PLCG2: variants seen among roughly 807,000 people sequenced by gnomAD.
PLCG2 encodes phospholipase C gamma 2, also known as 1-phosphatidylinositol 4,5-bisphosphate phosphodiesterase gamma-2.
In PLCG2, 69 loss-of-function variants were observed where a neutral mutation model predicts 175.6. The observed-to-expected ratio is 0.39, with a 90% CI of 0.32 to 0.48. The LOEUF (loss-of-function observed/expected upper bound fraction) is 0.48. PLCG2 is among the 20% of genes least tolerant of loss of function. PLCG2 has a pLI of 0.91. For missense variants in PLCG2, 1,798 were observed against 1,650.9 expected (o/e 1.09, Z -1.54); for synonymous variants, 827 against 624.0 (o/e 1.33, Z -4.85).
At chr16:81,828,181 G>A (rs1011211875) in intron 2 of PLCG2, among the ~76,000 whole-genome samples, 9 of 149,012 alleles carry the variant, frequency 6.0e-5, no homozygotes, top group African/African-American at 2.2e-4. Context: ...GTACCCTGAT[G>A]CAGTTCCCAG....
At chr16:81,830,783 C>G (rs1028365501) in intron 2 of PLCG2, among the ~76,000 whole-genome samples, 1 of 150,988 alleles carries the variant, frequency 6.6e-6, no homozygotes, top group Non-Finnish European at 1.5e-5. Flanking sequence ...CTGACAGACA[C>G]AGTGTGTGAT....
chr16:81,819,240 G>A (rs1668768895), intron 2 of PLCG2, among the ~76,000 whole-genome samples: 1 of 152,148 alleles, frequency 6.6e-6, no homozygotes, highest in Admixed American at 6.5e-5. Flanking sequence ...GATGGTTTGT[G>A]TTCTTTCCAG....
chr16:81,745,519 C>G (rs1330777437), intron 1 of PLCG2, among the ~76,000 whole-genome samples: 3 of 152,116 alleles, frequency 2.0e-5, no homozygotes, highest in Non-Finnish European at 4.4e-5. Flanking sequence ...AGCCACTGGC[C>G]ACAGACTGCA....
chr16:81,848,706 A>T (rs1349803429), intron 2 of PLCG2, among the ~76,000 whole-genome samples: 1 of 151,858 alleles, frequency 6.6e-6, no homozygotes, highest in Admixed American at 6.6e-5. Flanking sequence ...AGAACTACTT[A>T]TTGGGCCCCG....
At chr16:81,786,302 C>A in intron 2 of PLCG2, 120 bp downstream of exon 2, 1 of 821,626 alleles carries the variant, frequency 1.2e-6, no homozygotes, top group Non-Finnish European at 1.9e-6. Context: ...TTCTTTTATT[C>A]GTCTTAAAAT....
intron 5 of PLCG2, 48 bp from the exon 6 acceptor site, chr16:81,869,166 C>G: frequency 1.4e-6 from 2 of 1,403,088 alleles, no homozygotes; most frequent in Non-Finnish European, 2.0e-6. Context: ...AAATCCTGTG[C>G]TGTTGAAAAC....
At chr16:81,847,995 C>G (rs1038441867) in intron 2 of PLCG2, among the ~76,000 whole-genome samples, 4 of 152,070 alleles carry the variant, frequency 2.6e-5, no homozygotes, top group South Asian at 2.1e-4. Context: ...TGGGTAGTGA[C>G]AAAGTGATTC....
At chr16:81,778,847 C>T (rs1456146231), upstream of PLCG2, among the ~76,000 whole-genome samples, 1 of 152,124 alleles carries the variant, frequency 6.6e-6, no homozygotes, top group African/African-American at 2.4e-5. Flanking sequence ...CGGAGTGTCT[C>T]TCGGCCACAC....
At chr16:81,784,474 C>G (rs1286641921) in intron 1 of PLCG2, among the ~76,000 whole-genome samples, 2 of 152,218 alleles carry the variant, frequency 1.3e-5, no homozygotes, top group Non-Finnish European at 2.9e-5. Flanking sequence ...GAAGCACAGA[C>G]AGCCCTGGCT....
chr16:81,861,935 G>C (rs1399304712), intron 5 of PLCG2, among the ~76,000 whole-genome samples: 1 of 152,178 alleles, frequency 6.6e-6, no homozygotes, highest in African/African-American at 2.4e-5. Context: ...TCTGTTTCTG[G>C]ACTGAGTTCA....
intron 2 of PLCG2, among the ~76,000 whole-genome samples, chr16:81,822,634 G>C (rs533341728): frequency 7.9e-5 from 12 of 151,994 alleles, no homozygotes; most frequent in African/African-American, 2.9e-4. Flanking sequence ...GCGTGTACCT[G>C]TAATCCCAGC....
At chr16:81,854,395 G>T (rs756168631) in intron 2 of PLCG2, 49 bp from the exon 3 acceptor site, 1 of 1,583,826 alleles carries the variant, frequency 6.3e-7, no homozygotes, top group Non-Finnish European at 8.7e-7. Flanking sequence ...TGCATCCTCA[G>T]GTGGAGGGAA....
At chr16:81,846,903 C>T (rs1906150111) in intron 2 of PLCG2, among the ~76,000 whole-genome samples, 2 of 152,166 alleles carry the variant, frequency 1.3e-5, no homozygotes, top group South Asian at 4.1e-4. Flanking sequence ...TGGTTTTCCC[C>T]CCACGCATCA....
intron 19 of PLCG2, among the ~76,000 whole-genome samples, chr16:81,913,821 C>T (rs1342283295): frequency 6.6e-6 from 1 of 152,180 alleles, no homozygotes; most frequent in South Asian, 2.1e-4. Context: ...AGGCTGCCCC[C>T]TGGGCGTTTG....
rs200875985 is a variant in PLCG2 at position 81,934,701 on chromosome 16, CT to C, written c.2842+176del. Among the ~76,000 whole-genome samples the C allele has an allele frequency of 7.3e-3, 1,116 of 152,164 alleles. 3 individuals carry two copies. Among genetic ancestry groups the C allele is most frequent in the Non-Finnish European group, 0.011 (752 of 68,014 alleles). On this transcript the variant is annotated intron_variant, in intron 26 of 32. Coordinates refer to ENST00000564138, the MANE Select transcript of PLCG2 (RefSeq NM_002661.5). ...CGAGTGAGGGAGCTGGTGGCAGAAG[CT>C]TTTTTGGTGTATTAGTCCATTTTCA...
chr16:81,834,204 A>T (rs1905394416), intron 2 of PLCG2, among the ~76,000 whole-genome samples: 1 of 152,112 alleles, frequency 6.6e-6, no homozygotes, highest in African/African-American at 2.4e-5. Context: ...GATTGGTGGG[A>T]GGATTAAAGA....
chr16:81,754,668 G>C (rs28683618), intron 1 of PLCG2, among the ~76,000 whole-genome samples: 4,459 of 151,104 alleles, frequency 0.03, 227 homozygotes, highest in African/African-American at 0.1. Context: ...CCATGGCAGA[G>C]CTCACTAGTG....
At chr16:81,757,213 C>G (rs12933619) in intron 2 of PLCG2, among the ~76,000 whole-genome samples, 73,586 of 151,684 alleles carry the variant, frequency 0.49, 19,532 homozygotes, top group Non-Finnish European at 0.59. Context: ...TCAATCATCT[C>G]TTTATCCAAT....
intron 19 of PLCG2, among the ~76,000 whole-genome samples, chr16:81,914,069 C>T (rs778617944): frequency 2.6e-5 from 4 of 152,242 alleles, no homozygotes; most frequent in Non-Finnish European, 5.9e-5. Context: ...GTGGTACCTC[C>T]TCAGCCTGGA....
Sources: allele counts gnomAD v4.1 joint callset (sites outside exome capture counted in the v4.1 genomes callset), GRCh38; gene constraint gnomAD v4.1.1; transcripts MANE v1.5; gene names NCBI Gene and HGNC (gene_info 2026-07-23, HGNC 2026-07-21).